HTR4: variants seen among roughly 807,000 people sequenced by gnomAD.
HTR4 encodes 5-hydroxytryptamine receptor 4, also known as 5-hydroxytryptamine (serotonin) receptor 4, G protein-coupled.
A neutral mutation model predicts 36.8 loss-of-function variants in HTR4; 16 were observed. The ratio of observed to expected loss-of-function variants is 0.43; its 90% CI spans 0.29 to 0.66. The LOEUF is 0.66. Ranked by LOEUF, HTR4 falls within the 30% of genes least tolerant of loss-of-function variation. The pLI is 0.13. For synonymous variants in HTR4, 189 were observed against 185.1 expected (o/e 1.02, Z -0.17); for missense variants, 438 against 490.9 (o/e 0.89, Z 1.02).
At chr5:148,478,164 A>G (rs1755759946), downstream of HTR4, among the ~76,000 whole-genome samples, 1 of 152,202 alleles carries the variant, frequency 6.6e-6, no homozygotes, top group African/African-American at 2.4e-5. Flanking sequence ...TTTTCTCTGA[A>G]TGCCATAGTG....
At position 148,563,452 on chromosome 5, in the gene HTR4, C is replaced by G. The variant is rs554289877; in HGVS notation, c.27-13190G>C. ...AGCTGTTACCTTTTACGCTCCCACA[C>G]ACACTAGAATAACTTGAATGTAAAA... On this transcript the variant is annotated intron_variant, in intron 2 of 6. Transcript: ENST00000377888. 4.0e-4 allele frequency among the ~76,000 whole-genome samples: 61 copies of G among 152,338 alleles called. 1 individual carries two copies. Among genetic ancestry groups the G allele is most frequent in the Admixed American group, 3.1e-3 (48 of 15,296 alleles).
At position 148,531,943 on chromosome 5, in the gene HTR4, G is replaced by A. The variant is rs1177277037; in HGVS notation, c.354-8597C>T. Among the ~76,000 whole-genome samples, 8 of 152,244 alleles carry A rather than the reference G, an allele frequency of 5.3e-5. No individual in the cohort carries two copies. In the South Asian group the frequency reaches 8.3e-4, roughly 16 times the overall value. ...TTGTTGTCACAATTGGGAAGGAAAT[G>A]CTACTGGCATCCAGTGGGTAGAGGT... On this transcript the variant is annotated intron_variant, in intron 4 of 6. Transcript: ENST00000377888.
rs1175588280 is a variant in HTR4 at position 148,644,422 on chromosome 5, G to GTTTTTTTTTTTT, written c.-47-7373_-47-7362dup. Among the ~76,000 whole-genome samples the GTTTTTTTTTTTT allele has an allele frequency of 7.4e-5, 3 of 40,616 alleles. 1 individual carries two copies. Among genetic ancestry groups the GTTTTTTTTTTTT allele is most frequent in the African/African-American group, 3.2e-4 (3 of 9,418 alleles). 26.6% of individuals were successfully genotyped at this position (40,616 alleles called of 152,430 possible). On this transcript the variant is annotated intron_variant, in intron 1 of 6. Coordinates refer to ENST00000377888, the MANE Select transcript of HTR4 (RefSeq NM_000870.7). The stretch of plus-strand genomic sequence containing the variant: ...AGATGAATAGGTCTCAAGCTCACAA[G>GTTTTTTTTTTTT]TTTTTTTTTTTTTTTTTTTTTTTTT...
chr5:148,625,694 C>T (rs1443554934), intron 2 of HTR4, among the ~76,000 whole-genome samples: 2 of 152,090 alleles, frequency 1.3e-5, no homozygotes, highest in East Asian at 3.9e-4. Flanking sequence ...GATTCGCCTG[C>T]CCCAGCCTCC....
At chr5:148,476,581 G>A, downstream of HTR4, 1 of 1,457,216 alleles carries the variant, frequency 6.9e-7, no homozygotes, top group Non-Finnish European at 9.0e-7. Flanking sequence ...GGCAAAGTGG[G>A]CTGGTACAGT....
chr5:148,500,593 G>T (rs1352203119), intron 6 of HTR4, among the ~76,000 whole-genome samples: 2 of 151,430 alleles, frequency 1.3e-5, no homozygotes, highest in Non-Finnish European at 2.9e-5. Context: ...AGATGGGGAG[G>T]TGTATTTGCC....
At chr5:148,508,908 AAC>A (rs1296383634) in intron 6 of HTR4, among the ~76,000 whole-genome samples, 1 of 152,130 alleles carries the variant, frequency 6.6e-6, no homozygotes, top group Admixed American at 6.6e-5. Flanking sequence ...GATGAGAATT[AAC>A]ATTCTCATCT....
At chr5:148,479,074 A>G (rs1755795394), downstream of HTR4, among the ~76,000 whole-genome samples, 2 of 151,942 alleles carry the variant, frequency 1.3e-5, no homozygotes, top group Non-Finnish European at 2.9e-5. Context: ...CCAGATATAC[A>G]TTGTCACACT....
chr5:148,491,681 T>C (rs1236786668), intron 6 of HTR4, among the ~76,000 whole-genome samples: 2 of 152,150 alleles, frequency 1.3e-5, no homozygotes, highest in Non-Finnish European at 2.9e-5. Flanking sequence ...TCATTCCTGA[T>C]AAAGAACTAC....
intron 2 of HTR4, among the ~76,000 whole-genome samples, chr5:148,632,086 C>T (rs1232092208): frequency 6.6e-6 from 1 of 152,088 alleles, no homozygotes; most frequent in East Asian, 1.9e-4. Flanking sequence ...TTCTTTCTCA[C>T]TTTCCTCCTT....
rs1759612125 is a variant in HTR4 at position 148,550,190 on chromosome 5, G to T, written c.99C>A (p.Ala33=). Residue 33 remains alanine (A), a synonymous_variant, in exon 3 of 7, where the codon GCC becomes GCA. Coordinates refer to ENST00000377888, the MANE Select transcript of HTR4 (RefSeq NM_000870.7). ...CCATCACCAGCAGGTTCCCCAAGATGGCCATCAGGATAACCGTCGAGAGAA... is the reference window on the plus strand; with the variant it reads ...CCATCACCAGCAGGTTCCCCAAGATTGCCATCAGGATAACCGTCGAGAGAA... ...LTFLSTVILM[A]ILGNLLVMVA... is the part of the protein sequence containing the mutation. 6.2e-7 allele frequency: 1 copy of T among 1,614,056 alleles called. No individual in the cohort carries two copies. The highest frequency in any genetic ancestry group is 8.5e-7 in the Non-Finnish European group (1 of 1,179,994).
In HTR4 at chr5:148,540,400, GTATATATATATATATATATA is replaced by G. The variant is rs56021250; in HGVS notation, c.353+8248_353+8267del. Among the ~76,000 whole-genome samples, 619 of 74,296 alleles carry G rather than the reference GTATATATATATATATATATA, an allele frequency of 8.3e-3. 14 individuals carry two copies. Among genetic ancestry groups the G allele is most frequent in the African/African-American group, 0.035 (529 of 15,120 alleles). The allele number at this position is 74,296 out of a possible 152,430, so 48.7% of individuals were successfully genotyped here. A position where few individuals can be genotyped will look rare whatever the true frequency, so the allele number is the denominator to read the frequency against. On this transcript the variant is annotated intron_variant, in intron 4 of 6. Transcript: ENST00000377888. ...ATTTTAGGTTTTATTTTATGTGTGT[GTATATATATATATATATATA>G]TATATATATATATATATATATATAT...
At chr5:148,540,416 A>G (rs1345798845) in intron 4 of HTR4, among the ~76,000 whole-genome samples, 1,473 of 127,932 alleles carry the variant, frequency 0.012, 60 homozygotes, top group Admixed American at 0.016. Context: ...ATATATATAT[A>G]TATATATATA....
intron 6 of HTR4, among the ~76,000 whole-genome samples, chr5:148,506,629 C>T (rs542910407): frequency 6.6e-6 from 1 of 152,212 alleles, no homozygotes; most frequent in African/African-American, 2.4e-5. Flanking sequence ...ACCCATCTGA[C>T]AAAGGGCTAA....
intron 4 of HTR4, among the ~76,000 whole-genome samples, chr5:148,546,721 CT>C (rs1231296586): frequency 2.6e-5 from 4 of 152,208 alleles, no homozygotes; most frequent in Non-Finnish European, 5.9e-5. Flanking sequence ...CCTATCACCC[CT>C]GCCTGGTCTT....
At chr5:148,546,119 TA>T (rs2065245917) in intron 4 of HTR4, among the ~76,000 whole-genome samples, 1 of 152,170 alleles carries the variant, frequency 6.6e-6, no homozygotes, top group African/African-American at 2.4e-5. Context: ...ACCTGGTTTC[TA>T]GATGATGCAA....
chr5:148,530,646 G>T (rs1354117570), intron 4 of HTR4, among the ~76,000 whole-genome samples: 1 of 152,204 alleles, frequency 6.6e-6, no homozygotes, highest in Non-Finnish European at 1.5e-5. Flanking sequence ...CCCCTGTGCA[G>T]AGTCCCTACT....
At chr5:148,454,781 T>C (rs942216153) in intron 5 of HTR4, among the ~76,000 whole-genome samples, 6 of 152,288 alleles carry the variant, frequency 3.9e-5, no homozygotes, top group African/African-American at 1.4e-4. Flanking sequence ...GTGAGGCTCA[T>C]AGCAGCTGAG....
At chr5:148,566,785 A>C (rs1760458964) in intron 2 of HTR4, among the ~76,000 whole-genome samples, 1 of 152,136 alleles carries the variant, frequency 6.6e-6, no homozygotes, top group Admixed American at 6.6e-5. Context: ...ATTTATACGT[A>C]TGACATACCT....
Sources: gnomAD v4.1 joint callset for allele counts (sites outside exome capture counted in the v4.1 genomes callset) on GRCh38, gnomAD v4.1.1 for gene constraint, MANE v1.5 for transcripts, NCBI Gene and HGNC (gene_info 2026-07-23, HGNC 2026-07-21) for gene names.